The following ADAMTSL1 variants were observed in gnomAD, a reference collection of about 807,000 sequenced individuals.
ADAMTSL1 encodes ADAMTS like 1, also known as ADAMTS-like protein 1.
A neutral mutation model predicts 201.8 loss-of-function variants in ADAMTSL1; 126 were observed. The ratio of observed to expected loss-of-function variants is 0.62; its 90% confidence interval spans 0.54 to 0.72. ADAMTSL1 has a LOEUF of 0.72. Ranked by LOEUF, ADAMTSL1 falls within the 30% of genes least tolerant of loss-of-function variation. The pLI is 0.00. For synonymous variants in ADAMTSL1, 1,121 were observed against 903.4 expected (o/e 1.24, Z -4.32); for missense variants, 2,679 against 2,277.8 (o/e 1.18, Z -3.59).
chr9:18,125,138 G>C (rs1370207272), intron 1 of ADAMTSL1, among the ~76,000 whole-genome samples: 2 of 152,280 alleles, frequency 1.3e-5, no homozygotes, highest in East Asian at 3.9e-4. Context: ...GGTTTAACTG[G>C]ACTCACAGTT....
At position 18,198,453 on chromosome 9, in the gene ADAMTSL1, T is replaced by C. The variant is rs1164089557; in HGVS notation, c.207+34472T>C. ...CCCATCAAAAAGTGGGCGAAGGACA[T>C]GAACAGACACTTCTCAAAAGGAGAC... is the stretch of plus-strand genomic sequence containing the variant. On this transcript the variant is annotated intron_variant, in intron 2 of 29. Coordinates refer to the ADAMTSL1 transcript ENST00000680146. Among the ~76,000 whole-genome samples, 5 of 149,606 alleles carry C rather than the reference T, an allele frequency of 3.3e-5. No homozygotes were observed. The East Asian group carries it at 5.8e-4, about 17-fold the overall frequency.
intron 1 of ADAMTSL1, among the ~76,000 whole-genome samples, chr9:18,007,157 A>C (rs1044697682): frequency 2.6e-5 from 4 of 151,990 alleles, no homozygotes; most frequent in African/African-American, 9.7e-5. Flanking sequence ...TGTTGTTAAC[A>C]CAGTTTAAGC....
rs1206545156 is a variant in ADAMTSL1, at chr9:18,474,222, A to G, written c.-11A>G. 6.2e-7 allele frequency: 1 copy of G among 1,614,086 alleles called. No homozygotes were observed. The highest frequency in any genetic ancestry group is 8.5e-7 in the Non-Finnish European group (1 of 1,179,958). On this transcript the variant is annotated 5_prime_UTR_variant, in exon 1 of 29. Coordinates refer to ENST00000380548, the MANE Select transcript of ADAMTSL1 (RefSeq NM_001040272.6). Reference sequence around the variant, plus strand: ...TCAGTGTCCGATTCTGATTCCGGCAAGGATCCAAGCATGGAATGCTGCCGT... The same window carrying G: ...TCAGTGTCCGATTCTGATTCCGGCAGGGATCCAAGCATGGAATGCTGCCGT...
intron 16 of ADAMTSL1, among the ~76,000 whole-genome samples, chr9:18,761,049 TGGG>T (rs1264776226): frequency 2.0e-5 from 3 of 152,196 alleles, no homozygotes; most frequent in African/African-American, 7.2e-5. Flanking sequence ...TAGCACTCAG[TGGG>T]TACTCAATAA....
At chr9:18,678,572 A>G (rs1446778152) in intron 10 of ADAMTSL1, among the ~76,000 whole-genome samples, 1 of 152,174 alleles carries the variant, frequency 6.6e-6, no homozygotes, top group African/African-American at 2.4e-5. Context: ...AAATTACACT[A>G]TGGTCAGGTC....
intron 23 of ADAMTSL1, among the ~76,000 whole-genome samples, chr9:18,862,590 A>G (rs554483043): frequency 6.6e-6 from 1 of 152,276 alleles, no homozygotes; most frequent in East Asian, 1.9e-4. Flanking sequence ...TCCTTACAGA[A>G]TCTAATCTTG....
chr9:18,850,814 C>T (rs1826444980), intron 23 of ADAMTSL1, among the ~76,000 whole-genome samples: 1 of 152,146 alleles, frequency 6.6e-6, no homozygotes, highest in Non-Finnish European at 1.5e-5. Flanking sequence ...ATTAATTTAA[C>T]TTACTTTTTA....
chr9:18,474,017 G>T, upstream of ADAMTSL1: 1 of 512,860 alleles, frequency 1.9e-6, no homozygotes, highest in East Asian at 3.2e-5. Context: ...ATTAGCAGGA[G>T]CCTGATTGGC....
At chr9:18,682,943 C>T (rs770317533) in intron 12 of ADAMTSL1, among the ~76,000 whole-genome samples, 1 of 152,070 alleles carries the variant, frequency 6.6e-6, no homozygotes, top group Non-Finnish European at 1.5e-5. Context: ...GTATCTAAAT[C>T]AGAGATCATG....
chr9:18,102,662 G>C (rs913353360), intron 1 of ADAMTSL1, among the ~76,000 whole-genome samples: 13 of 152,164 alleles, frequency 8.5e-5, no homozygotes, highest in African/African-American at 3.1e-4. Flanking sequence ...TTGTGCAAAG[G>C]TACCAAGGGA....
chr9:18,825,203 G>C (rs565134948), intron 21 of ADAMTSL1, among the ~76,000 whole-genome samples: 1 of 152,022 alleles, frequency 6.6e-6, no homozygotes, highest in African/African-American at 2.4e-5. Flanking sequence ...ATCTAGGAAG[G>C]CTCATCCTAA....
intron 12 of ADAMTSL1, among the ~76,000 whole-genome samples, chr9:18,683,939 T>C (rs773707598): frequency 2.5e-4 from 38 of 152,220 alleles, no homozygotes; most frequent in Non-Finnish European, 4.6e-4. Flanking sequence ...TAGAGCATCA[T>C]TGGCTCATAC....
chr9:18,091,957 G>C (rs1563995178), intron 1 of ADAMTSL1, among the ~76,000 whole-genome samples: 1 of 152,096 alleles, frequency 6.6e-6, no homozygotes, highest in Non-Finnish European at 1.5e-5. Context: ...GAAATCTCAT[G>C]AACTTCTCTC....
At position 18,604,085 on chromosome 9, in the gene ADAMTSL1, C is replaced by G. The variant is rs146112102; in HGVS notation, c.475-18158C>G. Among the ~76,000 whole-genome samples, 10 of 152,256 alleles carry G rather than the reference C, an allele frequency of 6.6e-5. No homozygotes were observed. In the East Asian group the frequency reaches 1.7e-3, roughly 26 times the overall value. ...CTGCATCCATTGGCTGGAGCTGGAC[C>G]TCATATTCTGAAACTGACACCCAAT... On this transcript the variant is annotated intron_variant, in intron 4 of 28. Transcript: ENST00000380548.
chr9:18,347,040 A>G (rs963769283), intron 2 of ADAMTSL1, among the ~76,000 whole-genome samples: 5 of 152,198 alleles, frequency 3.3e-5, no homozygotes, highest in Non-Finnish European at 5.9e-5. Flanking sequence ...CCTGCTTTTC[A>G]GTCACAGTGG....
intron 1 of ADAMTSL1, among the ~76,000 whole-genome samples, chr9:18,152,897 A>C (rs1826980055): frequency 6.6e-6 from 1 of 152,042 alleles, no homozygotes; most frequent in African/African-American, 2.4e-5. Context: ...AATGCCCTTG[A>C]TTAATCCCAC....
chr9:18,499,946 C>T (rs145349099), intron 1 of ADAMTSL1, among the ~76,000 whole-genome samples: 7 of 152,204 alleles, frequency 4.6e-5, no homozygotes, highest in African/African-American at 1.2e-4. Flanking sequence ...AAAATATTTT[C>T]CAAGTACCCT....
At chr9:18,829,371 A>C (rs1824830239) in intron 22 of ADAMTSL1, among the ~76,000 whole-genome samples, 1 of 152,200 alleles carries the variant, frequency 6.6e-6, no homozygotes, top group Non-Finnish European at 1.5e-5. Flanking sequence ...GGTCCTTTTA[A>C]ATAAGAAATT....
chr9:18,334,469 A>T (rs546568790), intron 2 of ADAMTSL1, among the ~76,000 whole-genome samples: 1 of 152,170 alleles, frequency 6.6e-6, no homozygotes, highest in African/African-American at 2.4e-5. Context: ...GTCTTGTTTA[A>T]AGTGCTGCTG....
Sources: gnomAD v4.1 joint callset for allele counts (sites outside exome capture counted in the v4.1 genomes callset) on GRCh38, gnomAD v4.1.1 for gene constraint, MANE v1.5 for transcripts, NCBI Gene and HGNC (gene_info 2026-07-23, HGNC 2026-07-21) for gene names.